Variants in AKR1D1 observed in about 807,000 individuals in gnomAD.
The protein encoded by AKR1D1 is delta(4)-3-ketosteroid 5-beta-reductase.
A neutral mutation model predicts 42.6 loss-of-function variants in AKR1D1; 32 were observed. That is an observed-to-expected ratio of 0.75 (90% CI 0.57 to 1.01). The LOEUF is 1.01. AKR1D1 is among the 50% of genes least tolerant of loss of function. The pLI is 0.00. For synonymous variants in AKR1D1, 123 were observed against 135.5 expected (o/e 0.91, Z 0.64); for missense variants, 364 against 402.2 (o/e 0.91, Z 0.81).
chr7:138,103,631 T>TTA (rs569244013), intron 4 of AKR1D1, among the ~76,000 whole-genome samples: 5 of 150,524 alleles, frequency 3.3e-5, no homozygotes, highest in African/African-American at 1.2e-4. Context: ...ACTTTACAGG[T>TTA]AAAAAAAAAC....
intron 1 of AKR1D1, among the ~76,000 whole-genome samples, chr7:138,084,091 T>TG (rs955896748): frequency 4.6e-5 from 7 of 152,126 alleles, no homozygotes; most frequent in African/African-American, 1.4e-4. Flanking sequence ...TCCCAGGGAC[T>TG]GGAGGTGGCC....
At chr7:138,100,417 G>A (rs1455220122) in intron 4 of AKR1D1, among the ~76,000 whole-genome samples, 1 of 151,990 alleles carries the variant, frequency 6.6e-6, no homozygotes, top group Non-Finnish European at 1.5e-5. Flanking sequence ...TAAATAAAAA[G>A]TCACCAACAG....
At chr7:138,079,080 C>T (rs1362682650) in intron 1 of AKR1D1, among the ~76,000 whole-genome samples, 39 of 152,178 alleles carry the variant, frequency 2.6e-4, no homozygotes, top group Admixed American at 2.6e-3. Flanking sequence ...GATCCACCTG[C>T]CCCAGCCTCC....
chr7:138,116,472 A>AAT, intron 8 of AKR1D1, 148 bp from the exon 9 acceptor site: 2 of 933,336 alleles, frequency 2.1e-6, no homozygotes, highest in Non-Finnish European at 3.4e-6. Context: ...CTTGAGGGAA[A>AAT]ACAGAAGAGG....
intron 1 of AKR1D1, among the ~76,000 whole-genome samples, chr7:138,079,042 G>A (rs1260525821): frequency 6.6e-6 from 1 of 152,042 alleles, no homozygotes; most frequent in Non-Finnish European, 1.5e-5. Context: ...ATGTTGCCCA[G>A]GCTGGTCTCA....
intron 4 of AKR1D1, among the ~76,000 whole-genome samples, chr7:138,101,700 T>C (rs1279549324): frequency 6.6e-6 from 1 of 152,148 alleles, no homozygotes; most frequent in Non-Finnish European, 1.5e-5. Context: ...ATGCTAAACA[T>C]TAAATATTTA....
chr7:138,088,860 T>G, intron 2 of AKR1D1, 92 bp downstream of exon 2: 12 of 782,908 alleles, frequency 1.5e-5, no homozygotes, highest in Non-Finnish European at 2.1e-5. Flanking sequence ...GTGTGTGTAA[T>G]TGCACTCATG....
intron 4 of AKR1D1, among the ~76,000 whole-genome samples, chr7:138,100,109 A>AAAAAAAAAAC (rs1794264007): frequency 2.1e-5 from 3 of 145,594 alleles, no homozygotes; most frequent in Admixed American, 6.7e-5. Flanking sequence ...AAAAAAAAAA[A>AAAAAAAAAAC]AAAAAAAAAC....
In AKR1D1 at chr7:138,079,158, T is replaced by G. The variant is rs972067643; in HGVS notation, c.93+2547T>G. The stretch of plus-strand genomic sequence containing the variant: ...TAAACATTCCTTACTTTCTCTCCAA[T>G]GCCCATAGAATTCCCCTTTTCTGAT... On this transcript the variant is annotated intron_variant, in intron 1 of 8. Coordinates refer to ENST00000242375, the MANE Select transcript of AKR1D1 (RefSeq NM_005989.4). Among the ~76,000 whole-genome samples the G allele has an allele frequency of 3.3e-5, 5 of 152,088 alleles. No individual in the cohort carries two copies. The East Asian group carries it at 7.7e-4, about 24-fold the overall frequency.
chr7:138,099,021 C>T (rs905496269), intron 4 of AKR1D1, among the ~76,000 whole-genome samples: 11 of 152,008 alleles, frequency 7.2e-5, no homozygotes, highest in Admixed American at 5.2e-4. Context: ...TTTTTCCCAC[C>T]GATGTGATTC....
At chr7:138,106,037 C>T (rs180750486) in intron 5 of AKR1D1, among the ~76,000 whole-genome samples, 4 of 152,262 alleles carry the variant, frequency 2.6e-5, no homozygotes, top group African/African-American at 9.6e-5. Flanking sequence ...AAAAAACTCA[C>T]TATTAATTAG....
chr7:138,089,675 T>C (rs1468814342), intron 2 of AKR1D1, among the ~76,000 whole-genome samples: 1 of 152,188 alleles, frequency 6.6e-6, no homozygotes, highest in Non-Finnish European at 1.5e-5. Flanking sequence ...TAGAAAGCAA[T>C]ATTTATACGT....
At chr7:138,094,250 C>T (rs1270649154) in intron 3 of AKR1D1, among the ~76,000 whole-genome samples, 1 of 152,122 alleles carries the variant, frequency 6.6e-6, no homozygotes, top group East Asian at 1.9e-4. Context: ...GACAGTGGCT[C>T]ACATCTGTAG....
At chr7:138,087,716 T>C (rs1169973749) in intron 1 of AKR1D1, among the ~76,000 whole-genome samples, 1 of 152,164 alleles carries the variant, frequency 6.6e-6, no homozygotes, top group Admixed American at 6.6e-5. Context: ...CCCCAACTCC[T>C]GACCCCAGGC....
rs1440177243 is a variant in AKR1D1, at chr7:138,117,979, A to C, written c.*1317A>C. 2 of 152,230 alleles carry C rather than the reference A, an allele frequency of 1.3e-5. No individual in the cohort carries two copies. Among genetic ancestry groups the C allele is most frequent in the African/African-American group, 4.8e-5 (2 of 41,458 alleles). 9.4% of individuals were successfully genotyped at this position (152,230 alleles called of 1,614,324 possible). On this transcript the variant is annotated 3_prime_UTR_variant, in exon 9 of 9. Transcript: ENST00000242375. ...GCTTGCAGTGAGCCGAGATAGCGCC[A>C]CTGCAGTCCGGCCTGGGTGAAAGAG... is the stretch of plus-strand genomic sequence containing the variant.
At chr7:138,097,841 T>A in intron 3 of AKR1D1, 25 bp from the exon 4 acceptor site, 1 of 1,429,114 alleles carries the variant, frequency 7.0e-7, no homozygotes, top group Non-Finnish European at 9.5e-7. Context: ...ATGAATTACA[T>A]TTATTCTTTT....
At chr7:138,097,807 A>T in intron 3 of AKR1D1, 59 bp from the exon 4 acceptor site, 1 of 1,308,418 alleles carries the variant, frequency 7.6e-7, no homozygotes, top group Non-Finnish European at 1.1e-6. Context: ...AAATTCTATT[A>T]TTTAATTCCC....
At chr7:138,103,804 A>C (rs1241984986) in intron 4 of AKR1D1, among the ~76,000 whole-genome samples, 1 of 152,222 alleles carries the variant, frequency 6.6e-6, no homozygotes, top group African/African-American at 2.4e-5. Flanking sequence ...ATATATATCA[A>C]ATAAAGTATC....
chr7:138,099,167 G>A (rs199803700), intron 4 of AKR1D1, among the ~76,000 whole-genome samples: 56 of 152,260 alleles, frequency 3.7e-4, no homozygotes, highest in Middle Eastern at 6.8e-3. Flanking sequence ...CCCAGTGCCC[G>A]GGGCTCTGTC....
Sources: gnomAD v4.1 joint callset for allele counts (sites outside exome capture counted in the v4.1 genomes callset) on GRCh38, gnomAD v4.1.1 for gene constraint, MANE v1.5 for transcripts, NCBI Gene and HGNC (gene_info 2026-07-23, HGNC 2026-07-21) for gene names.